Variants in TNRC6B observed in about 807,000 individuals in gnomAD.
TNRC6B encodes the protein trinucleotide repeat containing adaptor 6B.
A neutral mutation model predicts 203.6 loss-of-function variants in TNRC6B; 52 were observed. The ratio of observed to expected loss-of-function variants is 0.26; its 90% CI spans 0.20 to 0.32. The LOEUF is 0.32. Ranked by LOEUF, TNRC6B falls within the 10% of genes least tolerant of loss-of-function variation. TNRC6B has a pLI of 1.00. For synonymous variants in TNRC6B, 838 were observed against 845.7 expected, an observed-to-expected ratio of 0.99 and a Z score of 0.16; for missense variants, 1,923 against 2,286.2, an observed-to-expected ratio of 0.84 and a Z score of 3.24.
In TNRC6B at chr22:40,193,638, G is replaced by A. The variant is rs368890573; in HGVS notation, c.5+15498G>A. Among the ~76,000 whole-genome samples the A allele has an allele frequency of 3.3e-5, 5 of 152,254 alleles. No homozygotes were observed. The South Asian group carries it at 6.2e-4, about 19-fold the overall frequency. On this transcript the variant is annotated intron_variant, in intron 1 of 22. Coordinates refer to ENST00000454349, the MANE Select transcript of TNRC6B (RefSeq NM_001162501.2). ...ATGTCCTGGGGAGAAAAATCTCCCC[G>A]CAGAGAAGAGACCTGAGGCATGGGG...
chr22:40,186,853 C>T (rs2069210635), intron 1 of TNRC6B, among the ~76,000 whole-genome samples: 3 of 151,572 alleles, frequency 2.0e-5, no homozygotes, highest in African/African-American at 2.4e-5. Context: ...AAAATGTTAA[C>T]GCAACATTTT....
chr22:40,149,109 A>G lies in TNRC6B; in HGVS notation c.46-7006A>G, dbSNP rs1001938747. On this transcript the variant is annotated intron_variant, in intron 3 of 23. Transcript: ENST00000301923. ...TCATAGCAGCTTTATTTGCAGTAGC[A>G]AAAATCGAAACAACTCAAACACCCA... Among the ~76,000 whole-genome samples, 11 of 152,392 alleles carry G rather than the reference A, an allele frequency of 7.2e-5. No individual in the cohort carries two copies. The East Asian group carries it at 1.9e-3, about 27-fold the overall frequency.
At chr22:40,246,833 ACAAGTAGAAACC>A (rs1351948497) in intron 2 of TNRC6B, among the ~76,000 whole-genome samples, 1 of 152,078 alleles carries the variant, frequency 6.6e-6, no homozygotes, top group South Asian at 2.1e-4. Context: ...TGGGAGAATT[ACAAGTAGAAACC>A]CCTCTCGGAA....
intron 12 of TNRC6B, among the ~76,000 whole-genome samples, chr22:40,286,055 C>T (rs1228536614): frequency 6.6e-6 from 1 of 152,170 alleles, no homozygotes; most frequent in Non-Finnish European, 1.5e-5. Context: ...TTATTCTATT[C>T]CTTTTAGATC....
intron 3 of TNRC6B, among the ~76,000 whole-genome samples, chr22:40,143,978 A>T (rs1279542211): frequency 2.0e-5 from 3 of 152,266 alleles, no homozygotes; most frequent in Non-Finnish European, 4.4e-5. Context: ...GATGTTCAAC[A>T]TTATTCATGA....
chr22:40,272,382 CA>C (rs1344247506), intron 6 of TNRC6B, among the ~76,000 whole-genome samples: 2 of 152,174 alleles, frequency 1.3e-5, no homozygotes, highest in Non-Finnish European at 2.9e-5. Context: ...ACTTGTCTAT[CA>C]TAGGCCTGAT....
intron 21 of TNRC6B, among the ~76,000 whole-genome samples, chr22:40,317,789 A>G (rs1481603148): frequency 6.6e-6 from 1 of 152,200 alleles, no homozygotes; most frequent in African/African-American, 2.4e-5. Context: ...GAGCACCTGA[A>G]CGAGGTTAAA....
chr22:40,106,196 T>C (rs2068281314), intron 1 of TNRC6B: 1 of 310,922 alleles, frequency 3.2e-6, no homozygotes, highest in South Asian at 4.7e-5. Context: ...GGGCCTTTTA[T>C]TGGTTTTATG....
chr22:40,222,726 C>CTATTTTTT (rs1601896876), intron 1 of TNRC6B, among the ~76,000 whole-genome samples: 1 of 79,072 alleles, frequency 1.3e-5, no homozygotes, highest in Non-Finnish European at 2.5e-5. Flanking sequence ...CTCTCTCTCT[C>CTATTTTTT]TCTTTTTTTT....
intron 12 of TNRC6B, among the ~76,000 whole-genome samples, chr22:40,294,322 G>C (rs2070910520): frequency 6.6e-6 from 1 of 152,160 alleles, no homozygotes; most frequent in African/African-American, 2.4e-5. Context: ...AGGCTTTTCA[G>C]TCTGAAATCA....
At chr22:40,116,578 C>T (rs1035616419) in intron 1 of TNRC6B, among the ~76,000 whole-genome samples, 16 of 152,000 alleles carry the variant, frequency 1.1e-4, no homozygotes, top group Non-Finnish European at 2.1e-4. Context: ...GAAATGGCCC[C>T]AACAAGCAAG....
chr22:40,286,130 G>A (rs2070776850), intron 12 of TNRC6B, among the ~76,000 whole-genome samples: 1 of 152,252 alleles, frequency 6.6e-6, no homozygotes, highest in East Asian at 1.9e-4. Flanking sequence ...AAGTTCTGAT[G>A]TGTCAATGTT....
chr22:40,085,177 C>A (rs1445096610), intron 1 of TNRC6B, among the ~76,000 whole-genome samples: 1 of 152,168 alleles, frequency 6.6e-6, no homozygotes, highest in Non-Finnish European at 1.5e-5. Flanking sequence ...AGAAGATCTT[C>A]CAGCCTCAGA....
intron 2 of TNRC6B, among the ~76,000 whole-genome samples, chr22:40,124,480 G>A (rs752606225): frequency 6.6e-6 from 1 of 151,818 alleles, no homozygotes; most frequent in South Asian, 2.1e-4. Flanking sequence ...GTGTCACCAC[G>A]CCTGGCTAAT....
At chr22:40,087,982 A>G (rs565823094) in intron 1 of TNRC6B, among the ~76,000 whole-genome samples, 3 of 151,978 alleles carry the variant, frequency 2.0e-5, no homozygotes, top group East Asian at 1.9e-4. Context: ...TTTCTCTCCT[A>G]TTTCTCGAGG....
At chr22:40,073,238 T>C (rs1161803792) in intron 1 of TNRC6B, among the ~76,000 whole-genome samples, 2 of 150,802 alleles carry the variant, frequency 1.3e-5, no homozygotes, top group Non-Finnish European at 3.0e-5. Flanking sequence ...GCCTGTTTCC[T>C]AGCTGAGAGT....
chr22:40,317,765 A>G (rs912787927), intron 21 of TNRC6B, among the ~76,000 whole-genome samples: 1 of 152,220 alleles, frequency 6.6e-6, no homozygotes, highest in African/African-American at 2.4e-5. Context: ...AGGTATTTGC[A>G]GAAGCATTAT....
At chr22:40,268,916 AAATAATAATAAT>A (rs150587701) in intron 5 of TNRC6B, among the ~76,000 whole-genome samples, 1 of 148,710 alleles carries the variant, frequency 6.7e-6, no homozygotes, top group Non-Finnish European at 1.5e-5. Context: ...CCGTCTCAAA[AAATAATAATAAT>A]AATAATAATA....
chr22:40,317,634 C>T (rs563238874), intron 21 of TNRC6B, among the ~76,000 whole-genome samples: 159 of 152,208 alleles, frequency 1.0e-3, no homozygotes, highest in Admixed American at 2.7e-3. Flanking sequence ...ATCCTCTTCA[C>T]GTGTAGATGG....
Sources: gnomAD v4.1 joint callset for allele counts (sites outside exome capture counted in the v4.1 genomes callset) on GRCh38, gnomAD v4.1.1 for gene constraint, MANE v1.5 for transcripts, NCBI Gene and HGNC (gene_info 2026-07-23, HGNC 2026-07-21) for gene names.